Variants in CNTN5 observed in about 807,000 individuals in gnomAD.
CNTN5 encodes contactin 5, also known as contactin-5.
CNTN5 carries 77 observed loss-of-function variants against 129.1 expected under a neutral mutation model. The ratio of observed to expected loss-of-function variants is 0.60; its 90% CI spans 0.50 to 0.72. The LOEUF (loss-of-function observed/expected upper bound fraction) is 0.72. Among genes scored for constraint, CNTN5 ranks in the 30% least tolerant of loss-of-function variants. The probability of loss-of-function intolerance (pLI) is 0.00; values close to 1 mark genes in which losing one functional copy is unlikely to be tolerated. For missense variants in CNTN5, 1,478 were observed against 1,328.8 expected, an observed-to-expected ratio of 1.11 and a Z score of -1.75; for synonymous variants, 509 against 465.6, an observed-to-expected ratio of 1.09 and a Z score of -1.20.
chr11:99,143,276 T>C (rs554995681), intron 1 of CNTN5, among the ~76,000 whole-genome samples: 69 of 148,740 alleles, frequency 4.6e-4, no homozygotes, highest in Non-Finnish European at 3.0e-5. Context: ...TTTAAAAATA[T>C]ATAAATATAT....
chr11:100,259,225 C>G (rs1240635806), intron 17 of CNTN5, among the ~76,000 whole-genome samples: 1 of 152,090 alleles, frequency 6.6e-6, no homozygotes, highest in East Asian at 1.9e-4. Flanking sequence ...GTAAAGGGAT[C>G]AATGCAAAAA....
chr11:100,069,632 G>A (rs1391615058), intron 10 of CNTN5, among the ~76,000 whole-genome samples: 1 of 152,098 alleles, frequency 6.6e-6, no homozygotes, highest in African/African-American at 2.4e-5. Flanking sequence ...ATAAATGAAT[G>A]AATGATCAAA....
chr11:99,737,978 T>C (rs10750391), intron 3 of CNTN5, among the ~76,000 whole-genome samples: 24,896 of 151,560 alleles, frequency 0.16, 2,097 homozygotes, highest in African/African-American at 0.19. Flanking sequence ...TATTTATACT[T>C]CTTCAAGTTT....
At chr11:99,474,829 C>T (rs962980084) in intron 2 of CNTN5, among the ~76,000 whole-genome samples, 1 of 152,158 alleles carries the variant, frequency 6.6e-6, no homozygotes, top group Non-Finnish European at 1.5e-5. Context: ...CCTGCCATGG[C>T]TAGCTAATGT....
At chr11:99,716,346 CCTT>C (rs994472472) in intron 3 of CNTN5, among the ~76,000 whole-genome samples, 6 of 152,032 alleles carry the variant, frequency 3.9e-5, no homozygotes, top group African/African-American at 1.4e-4. Flanking sequence ...ACAATTCTCT[CCTT>C]CTTTATTGAA....
intron 3 of CNTN5, among the ~76,000 whole-genome samples, chr11:99,640,869 G>T (rs1471355796): frequency 6.6e-6 from 1 of 152,172 alleles, no homozygotes; most frequent in Non-Finnish European, 1.5e-5. Flanking sequence ...TTAAGATGCA[G>T]TGTCAGCTAT....
chr11:100,330,548 C>T (rs545282760), intron 21 of CNTN5, among the ~76,000 whole-genome samples: 34 of 152,082 alleles, frequency 2.2e-4, no homozygotes, highest in African/African-American at 5.8e-4. Flanking sequence ...AAAGTCAAGA[C>T]GAAGGAAATT....
intron 1 of CNTN5, among the ~76,000 whole-genome samples, chr11:99,140,197 T>C (rs1859443211): frequency 6.6e-6 from 1 of 152,110 alleles, no homozygotes; most frequent in South Asian, 2.1e-4. Flanking sequence ...TTATTTTTAG[T>C]GTAATATCTT....
chr11:99,558,425 T>C (rs983437343), intron 3 of CNTN5: 4 of 169,380 alleles, frequency 2.4e-5, no homozygotes, highest in African/African-American at 9.6e-5. Context: ...CCATGCAATA[T>C]TTTATTTCAT....
At chr11:100,351,696 T>G in intron 24 of CNTN5, among the ~76,000 whole-genome samples, 1 of 150,654 alleles carries the variant, frequency 6.6e-6, no homozygotes, top group African/African-American at 2.4e-5. Flanking sequence ...GGCAAATTTC[T>G]AATTTTAAAA....
At chr11:100,132,580 A>G (rs1177083088) in intron 13 of CNTN5, among the ~76,000 whole-genome samples, 1 of 152,152 alleles carries the variant, frequency 6.6e-6, no homozygotes, top group African/African-American at 2.4e-5. Context: ...TTGGTCCATT[A>G]TGCACATTGT....
In CNTN5 at chr11:99,739,340, A is replaced by G. The variant is rs1354621554; in HGVS notation, c.56-80204A>G. On this transcript the variant is annotated intron_variant, in intron 3 of 24. Transcript: ENST00000524871. ...GATAGGGTTGACACTCAATTATTAA[A>G]TATATAAAATCTAGCTTTTACTTTA... is the stretch of plus-strand genomic sequence containing the variant. Among the ~76,000 whole-genome samples, 9 of 152,282 alleles carry G rather than the reference A, an allele frequency of 5.9e-5. No homozygotes were observed. The South Asian group carries it at 1.0e-3, about 18-fold the overall frequency.
chr11:99,511,709 T>G (rs1946842676), intron 2 of CNTN5, among the ~76,000 whole-genome samples: 1 of 152,008 alleles, frequency 6.6e-6, no homozygotes, highest in Admixed American at 6.6e-5. Context: ...AGGACTTGCT[T>G]TATGAATCTG....
intron 1 of CNTN5, among the ~76,000 whole-genome samples, chr11:99,261,362 A>G (rs76750035): frequency 0.049 from 7,491 of 152,066 alleles, 218 homozygotes; most frequent in Non-Finnish European, 0.075. Context: ...GCCCCTGTTT[A>G]TTGGGTTTAA....
rs543694128 is a variant in CNTN5 at position 100,043,682 on chromosome 11, C to T, written c.981-17530C>T. Among the ~76,000 whole-genome samples, 13 of 152,046 alleles carry T rather than the reference C, an allele frequency of 8.6e-5. No individual in the cohort carries two copies. In the South Asian group the frequency reaches 2.7e-3, roughly 32 times the overall value. ...ATTTTCCTGCCAGGAACATTTTTTG[C>T]CTCCTGCAAAAATTGCCTTCATCCT... is the stretch of plus-strand genomic sequence containing the variant. On this transcript the variant is annotated intron_variant, in intron 9 of 24. Coordinates refer to ENST00000524871, the MANE Select transcript of CNTN5 (RefSeq NM_014361.4).
rs543996257 is a variant in CNTN5 at position 99,596,759 on chromosome 11, T to C, written c.55+40490T>C. ...CTGGAATACTTGAAGTTGAATGAAA[T>C]ATAAAGCAACTTCTGTTTGCCAGGC... On this transcript the variant is annotated intron_variant, in intron 3 of 24. Transcript: ENST00000524871. Among the ~76,000 whole-genome samples, 256 of 152,306 alleles carry C rather than the reference T, an allele frequency of 1.7e-3. 1 individual carries two copies. Among genetic ancestry groups the C allele is most frequent in the African/African-American group, 5.9e-3 (247 of 41,582 alleles).
chr11:99,910,127 C>A lies in CNTN5; in HGVS notation c.578-5927C>A, dbSNP rs182446582. On this transcript the variant is annotated intron_variant, in intron 6 of 24. Coordinates refer to ENST00000524871, the MANE Select transcript of CNTN5 (RefSeq NM_014361.4). ...AATTAGTCACTTTGAAAACTCAAAT[C>A]TTTTCTGCTGTGAGTTCTTATTCTT... is the stretch of plus-strand genomic sequence containing the variant. Among the ~76,000 whole-genome samples, 612 of 152,078 alleles carry A rather than the reference C, an allele frequency of 4.0e-3. 9 individuals are homozygous for A. The highest frequency in any genetic ancestry group is 0.014 in the African/African-American group (575 of 41,508).
At chr11:99,678,199 T>A (rs1487177090) in intron 3 of CNTN5, among the ~76,000 whole-genome samples, 2 of 152,136 alleles carry the variant, frequency 1.3e-5, no homozygotes, top group African/African-American at 2.4e-5. Context: ...ATTCAGCGAA[T>A]TTCTGAATAT....
chr11:100,060,165 C>A (rs1943403536), intron 9 of CNTN5, among the ~76,000 whole-genome samples: 1 of 150,210 alleles, frequency 6.7e-6, no homozygotes, highest in African/African-American at 2.5e-5. Context: ...GAGATCGTGC[C>A]ACTGCACTCG....
Sources: allele counts gnomAD v4.1 joint callset (sites outside exome capture counted in the v4.1 genomes callset), GRCh38; gene constraint gnomAD v4.1.1; transcripts MANE v1.5; gene names NCBI Gene and HGNC (gene_info 2026-07-23, HGNC 2026-07-21).